The following LRRC43 variants were observed in gnomAD, a reference collection of about 807,000 sequenced individuals.
LRRC43 encodes leucine-rich repeat-containing protein 43.
A neutral mutation model predicts 64.3 loss-of-function variants in LRRC43; 62 were observed. The observed-to-expected ratio is 0.96, with a 90% CI of 0.79 to 1.19. LRRC43 has a LOEUF of 1.19. LRRC43 is among the 50% of genes most tolerant of loss of function. The pLI is 0.00. For missense variants in LRRC43, 868 were observed against 845.0 expected, an observed-to-expected ratio of 1.03 and a Z score of -0.34; for synonymous variants, 422 against 382.3, an observed-to-expected ratio of 1.10 and a Z score of -1.21.
upstream of LRRC43, among the ~76,000 whole-genome samples, chr12:122,179,744 G>T (rs915569351): frequency 6.6e-6 from 1 of 151,656 alleles, no homozygotes; most frequent in Admixed American, 6.6e-5. Context: ...AGGCCGAGGC[G>T]GGCGGATCAC....
intron 7 of LRRC43, among the ~76,000 whole-genome samples, chr12:122,198,972 T>A (rs1307855740): frequency 1.4e-5 from 2 of 145,370 alleles, no homozygotes; most frequent in Admixed American, 1.4e-4. Flanking sequence ...TTGTCATATG[T>A]ACTTTCACGA....
upstream of LRRC43, among the ~76,000 whole-genome samples, chr12:122,178,263 A>G (rs538434550): frequency 1.1e-4 from 17 of 152,126 alleles, no homozygotes; most frequent in Non-Finnish European, 2.4e-4. Context: ...TGACCCCTCT[A>G]TAGCATGAAA....
At chr12:122,190,585 G>A (rs1239691866) in intron 5 of LRRC43, among the ~76,000 whole-genome samples, 3 of 152,172 alleles carry the variant, frequency 2.0e-5, no homozygotes, top group East Asian at 1.9e-4. Flanking sequence ...GGGGGAGGCC[G>A]GGCGCGGTGG....
chr12:122,193,409 A>AAAAG, intron 7 of LRRC43, among the ~76,000 whole-genome samples: 2 of 141,558 alleles, frequency 1.4e-5, no homozygotes, highest in Non-Finnish European at 3.1e-5. Context: ...AAAAAAAAAA[A>AAAAG]GGCCCACTAG....
In LRRC43 at chr12:122,193,109, G is replaced by A. The variant is rs1043688279; in HGVS notation, c.1349+105G>A. 8 of 1,227,484 alleles carry A rather than the reference G, an allele frequency of 6.5e-6. No individual in the cohort carries two copies. The South Asian group carries it at 7.4e-5, about 11-fold the overall frequency. 76.0% of individuals were successfully genotyped at this position (1,227,484 alleles called of 1,614,324 possible). On this transcript the variant is annotated intron_variant, in intron 7 of 11. Coordinates refer to ENST00000339777, the MANE Select transcript of LRRC43 (RefSeq NM_001098519.2). ...AAAAGTCCTGAGGCTGGCGGGGCGC[G>A]GTGGCTCACGTCTGTAATCCCGGCA...
At chr12:122,180,149 C>A (rs563200780), upstream of LRRC43, among the ~76,000 whole-genome samples, 1 of 152,158 alleles carries the variant, frequency 6.6e-6, no homozygotes, top group East Asian at 1.9e-4. Context: ...CATGAGGTCA[C>A]AGAAACTTTG....
chr12:122,203,073 G>A (rs1013657893), intron 11 of LRRC43, among the ~76,000 whole-genome samples: 14 of 152,108 alleles, frequency 9.2e-5, no homozygotes, highest in African/African-American at 2.7e-4. Context: ...CCTGGGCGAC[G>A]GAGCACGACA....
At chr12:122,173,511 C>G (rs907907955) in intron 1 of LRRC43, among the ~76,000 whole-genome samples, 3 of 152,170 alleles carry the variant, frequency 2.0e-5, no homozygotes, top group Non-Finnish European at 4.4e-5. Context: ...TGGAGAAACT[C>G]TGTCTCTACT....
chr12:122,201,181 A>AC (rs1953834725), intron 10 of LRRC43, 115 bp from the exon 11 acceptor site: 1 of 1,139,756 alleles, frequency 8.8e-7, no homozygotes, highest in Non-Finnish European at 1.3e-6. Flanking sequence ...TCACCAGGAG[A>AC]CCCCCGCCTT....
chr12:122,202,261 T>G (rs1953850085), intron 11 of LRRC43: 2 of 152,170 alleles, frequency 1.3e-5, no homozygotes, highest in South Asian at 4.1e-4. Context: ...GCTGGATTCT[T>G]ACAGCTACTT....
chr12:122,195,168 T>C (rs1251343902), intron 7 of LRRC43, among the ~76,000 whole-genome samples: 2 of 152,142 alleles, frequency 1.3e-5, no homozygotes, highest in African/African-American at 4.8e-5. Context: ...TTATTTCACC[T>C]GCAATTTTCA....
rs371628171 is a variant in LRRC43 at position 122,187,848 on chromosome 12, G to T, written c.662+8G>T. Reference sequence around the variant, plus strand: ...CGTCACCGCTAATCACTGGTAACTCGGGAGCCCAGATGGAAAGTGAGAGGG... The same window carrying T: ...CGTCACCGCTAATCACTGGTAACTCTGGAGCCCAGATGGAAAGTGAGAGGG... On this transcript the variant is annotated splice_region_variant and intron_variant, in intron 4 of 11. Coordinates refer to ENST00000339777, the MANE Select transcript of LRRC43 (RefSeq NM_001098519.2). The T allele has an allele frequency of 6.2e-7, 1 of 1,613,542 alleles. No homozygotes were observed. Among genetic ancestry groups the T allele is most frequent in the African/African-American group, 1.3e-5 (1 of 74,926 alleles).
intron 5 of LRRC43, among the ~76,000 whole-genome samples, 154 bp downstream of exon 5, chr12:122,190,522 G>A (rs1381479627): frequency 6.6e-6 from 1 of 152,186 alleles, no homozygotes; most frequent in Non-Finnish European, 1.5e-5. Context: ...CTGGGTCAGA[G>A]CTTTCCACCA....
At chr12:122,172,269 G>A (rs188533006) in intron 1 of LRRC43, 401 of 627,172 alleles carry the variant, frequency 6.4e-4, no homozygotes, top group Middle Eastern at 9.2e-4. Context: ...CAGCCCTCCC[G>A]GGACTAGCCC....
At chr12:122,188,908 A>G (rs1190924962) in intron 4 of LRRC43, among the ~76,000 whole-genome samples, 2 of 152,176 alleles carry the variant, frequency 1.3e-5, no homozygotes, top group Non-Finnish European at 2.9e-5. Flanking sequence ...ACAAACAAAA[A>G]TGTCTCCAGA....
At position 122,184,455 on chromosome 12, in the gene LRRC43, A is replaced by G; in HGVS notation, c.151-64A>G. 7 of 1,564,098 alleles carry G rather than the reference A, an allele frequency of 4.5e-6. No individual in the cohort carries two copies. In the South Asian group the frequency reaches 7.0e-5, roughly 16 times the overall value. On this transcript the variant is annotated intron_variant, in intron 1 of 11. Coordinates refer to ENST00000339777, the MANE Select transcript of LRRC43 (RefSeq NM_001098519.2). This position sits in a 1 kb window ranked among gnomAD's most constrained non-coding sequence, Gnocchi z 4.0. ...CAGTTTTATGATCTGTTCTGTTTTG[A>G]GAGTTTGGTGTCCTTAAGGGGGCTG...
At chr12:122,190,587 G>A (rs1207825648) in intron 5 of LRRC43, among the ~76,000 whole-genome samples, 1 of 152,230 alleles carries the variant, frequency 6.6e-6, no homozygotes, top group Non-Finnish European at 1.5e-5. Flanking sequence ...GGGAGGCCGG[G>A]CGCGGTGGCT....
Position 122,184,769 on chromosome 12 carries a change from T to C in LRRC43, c.401T>C (p.Ile134Thr), listed in dbSNP as rs200849229. 1.2e-6 allele frequency: 2 copies of C among 1,602,214 alleles called. No individual in the cohort carries two copies. Among genetic ancestry groups the C allele is most frequent in the East Asian group, 2.2e-5 (1 of 44,500 alleles). ...TCCTACTTCCGGTCCCTGCGGGTAA[T>C]AGACAAGAAGGTCAGTGCTGGGCAC... is the stretch of plus-strand genomic sequence containing the variant. ...FYSYFRSLRV[I>T]DKKVTLVDKD... The change falls in exon 2 of 12, where the codon ATA becomes ACA. Residue 134 changes from isoleucine to threonine, a missense_variant. Transcript: ENST00000339777. This position sits in a 1 kb window ranked among gnomAD's most constrained non-coding sequence, Gnocchi z 4.0.
chr12:122,199,080 G>A (rs557181812), intron 7 of LRRC43, among the ~76,000 whole-genome samples: 4 of 146,514 alleles, frequency 2.7e-5, no homozygotes, highest in Non-Finnish European at 6.0e-5. Context: ...CAGGTTCAAC[G>A]TTCAACTTGG....
Sources: allele counts gnomAD v4.1 joint callset (sites outside exome capture counted in the v4.1 genomes callset), GRCh38; gene constraint gnomAD v4.1.1; non-coding constraint Gnocchi (gnomAD v3.1); transcripts MANE v1.5; gene names NCBI Gene and HGNC (gene_info 2026-07-23, HGNC 2026-07-21).